The following GPR153 variants were observed in gnomAD, a reference collection of about 807,000 sequenced individuals.
The protein encoded by GPR153 is probable G protein-coupled receptor 153.
GPR153 carries 27 observed loss-of-function variants against 34.1 expected under a neutral mutation model. The ratio of observed to expected loss-of-function variants is 0.79; its 90% CI spans 0.58 to 1.09. The LOEUF (loss-of-function observed/expected upper bound fraction) is 1.09, where lower values mean the gene tolerates loss of function less well. GPR153 is among the 50% of genes least tolerant of loss of function. The pLI is 0.00. For missense variants in GPR153, 848 were observed against 860.2 expected (o/e 0.99, Z 0.18); for synonymous variants, 408 against 405.4 (o/e 1.01, Z -0.08).
chr1:6,249,584 G>A lies in GPR153; in HGVS notation c.1584C>T (p.Ala528=). 2.6e-6 allele frequency: 3 copies of A among 1,168,456 alleles called. No individual in the cohort carries two copies. The highest frequency in any genetic ancestry group is 7.0e-4 in the Middle Eastern group (2 of 2,874). 72.4% of individuals were successfully genotyped at this position (1,168,456 alleles called of 1,614,324 possible). A position where few individuals can be genotyped will look rare whatever the true frequency, so the allele number is the denominator to read the frequency against. ...CCTCTCCGGGATCTGCGCCGTCGGGGGCGGCGGGCGCAGCGGGGAAGGGCC... is the reference window on the plus strand; with the variant it reads ...CCTCTCCGGGATCTGCGCCGTCGGGAGCGGCGGGCGCAGCGGGGAAGGGCC... ...PPGPFPAAPA[A]PDGADPGEAP... is the part of the protein sequence containing the mutation. Residue 528 remains alanine (A), a synonymous_variant, in exon 6 of 6, where the codon GCC becomes GCT. Transcript: ENST00000377893. This position sits in a 1 kb window ranked among gnomAD's most constrained non-coding sequence, Gnocchi z 4.3.
In GPR153 at chr1:6,249,328, G is replaced by A. The variant is rs1236499409; in HGVS notation, c.*10C>T. The A allele has an allele frequency of 1.3e-5, 16 of 1,271,034 alleles. No homozygotes were observed. The highest frequency in any genetic ancestry group is 2.8e-5 in the South Asian group (1 of 35,490). 78.7% of individuals were successfully genotyped at this position (1,271,034 alleles called of 1,614,324 possible). A position where few individuals can be genotyped will look rare whatever the true frequency, so the allele number is the denominator to read the frequency against. Reference sequence around the variant, plus strand: ...GCCTGCCTGGCGTCCGTGGGGAGGCGCCGGCGGTCCTAGGACGCGGAGCCC... The same window carrying A: ...GCCTGCCTGGCGTCCGTGGGGAGGCACCGGCGGTCCTAGGACGCGGAGCCC... On this transcript the variant is annotated 3_prime_UTR_variant, in exon 6 of 6. Coordinates refer to ENST00000377893, the MANE Select transcript of GPR153 (RefSeq NM_207370.4). The surrounding 1 kb of genome is among the most constrained non-coding windows in gnomAD (Gnocchi z 4.3).
chr1:6,255,015 C>T lies in GPR153; in HGVS notation c.-109-1G>A, dbSNP rs1428929686. On this transcript the variant is annotated splice_acceptor_variant, in intron 1 of 5. Coordinates refer to ENST00000377893, the MANE Select transcript of GPR153 (RefSeq NM_207370.4). LOFTEE classifies it low-confidence loss of function (5UTR_SPLICE). ...CAAGGATGCTGGGGACCACGAGCAT[C>T]TGTGGGGGGGTGGCAGTGGGCACTC... The T allele has an allele frequency of 6.7e-6, 5 of 741,722 alleles. No individual in the cohort carries two copies. The highest frequency in any genetic ancestry group is 3.6e-5 in the African/African-American group (2 of 55,926). 45.9% of individuals were successfully genotyped at this position (741,722 alleles called of 1,614,324 possible).
chr1:6,260,684 TGCCAGCGC>T (rs1638656657), intron 1 of GPR153, 133 bp downstream of exon 1: 3 of 151,502 alleles, frequency 2.0e-5, no homozygotes, highest in African/African-American at 7.3e-5. Flanking sequence ...GTTGGGGGGG[TGCCAGCGC>T]TAAGCGCCGC....
intron 1 of GPR153, among the ~76,000 whole-genome samples, chr1:6,255,448 C>T (rs540402774): frequency 1.3e-4 from 20 of 151,694 alleles, no homozygotes; most frequent in African/African-American, 4.8e-4. Context: ...CTGCCCGCCT[C>T]GGCCTCCCAA....
At position 6,249,995 on chromosome 1, in the gene GPR153, G is replaced by A. The variant is rs1038100791; in HGVS notation, c.1173C>T (p.Pro391=). ...CATCGTCGTGGGAGAAGCGCCGCGT[G>A]GGCGGGACCTGTCAGGACGCGGCTG... ...EDKMQYLQVP[P]TRRFSHDDAD... The change falls in exon 6 of 6, where the codon CCC becomes CCT. Residue 391 remains proline (P), a synonymous_variant. Transcript: ENST00000377893. The surrounding 1 kb of genome is among the most constrained non-coding windows in gnomAD (Gnocchi z 4.3). The A allele has an allele frequency of 4.1e-5, 51 of 1,258,336 alleles. No homozygotes were observed. The African/African-American group carries it at 7.4e-4, about 18-fold the overall frequency. 77.9% of individuals were successfully genotyped at this position (1,258,336 alleles called of 1,614,324 possible).
rs550699493 is a variant in GPR153, at chr1:6,252,513, C to T, written c.787-983G>A. Among the ~76,000 whole-genome samples, 6 of 152,276 alleles carry T rather than the reference C, an allele frequency of 3.9e-5. No individual in the cohort carries two copies. The East Asian group carries it at 1.2e-3, about 29-fold the overall frequency. On this transcript the variant is annotated intron_variant, in intron 3 of 5. Coordinates refer to ENST00000377893, the MANE Select transcript of GPR153 (RefSeq NM_207370.4). ...ACAGGGACCGGGCTGCCAGCCCCCA[C>T]TGTACACATGAGGACCCTTAGCTGG...
Position 6,250,443 on chromosome 1 carries a change from C to A in GPR153, c.1161G>T (p.Leu387=). The A allele has an allele frequency of 6.3e-7, 1 of 1,594,818 alleles. No homozygotes were observed. The highest frequency in any genetic ancestry group is 1.7e-5 in the Admixed American group (1 of 57,522). The change falls in exon 5 of 6, where the codon CTG becomes CTT. Residue 387 remains leucine, a synonymous_variant. Coordinates refer to ENST00000377893, the MANE Select transcript of GPR153 (RefSeq NM_207370.4). The part of the protein sequence containing the change: ...RPLQEDKMQY[L]QVPPTRRFSH... ...TCTCCCCCAGCCCTGCGCTCACCTG[C>A]AGGTATTGCATCTTGTCCTCCTGCA...
rs1044021753 is a variant in GPR153, at chr1:6,249,544, T to C, written c.1624A>G (p.Ser542Gly). Residue 542 changes from serine to glycine, a missense_variant, in exon 6 of 6, where the codon AGC becomes GGC. Ser to Gly is a moderately conservative substitution (Grantham distance 56). Transcript: ENST00000377893. This position sits in a 1 kb window ranked among gnomAD's most constrained non-coding sequence, Gnocchi z 4.3. ...ADPGEAPTPPSSAQRSPGPRP... is the reference protein window; with the variant it reads ...ADPGEAPTPPGSAQRSPGPRP... ...GGCCCTGGGCTCCGCTGGGCGCTGCTTGGGGGCGTCGGGGCCTCTCCGGGA... is the reference window on the plus strand; with the variant it reads ...GGCCCTGGGCTCCGCTGGGCGCTGCCTGGGGGCGTCGGGGCCTCTCCGGGA... The C allele has an allele frequency of 1.0e-5, 12 of 1,197,792 alleles. No homozygotes were observed. The African/African-American group carries it at 1.3e-4, about 13-fold the overall frequency. The allele number at this position is 1,197,792 out of a possible 1,614,324, so 74.2% of individuals were successfully genotyped here. A position where few individuals can be genotyped will look rare whatever the true frequency, so the allele number is the denominator to read the frequency against.
At chr1:6,255,899 G>A (rs764168811) in intron 1 of GPR153, among the ~76,000 whole-genome samples, 79 of 151,992 alleles carry the variant, frequency 5.2e-4, no homozygotes, top group African/African-American at 1.8e-3. Flanking sequence ...TGATCCACCC[G>A]CCTCGGCCTC....
At chr1:6,256,386 T>TC (rs1383491262) in intron 1 of GPR153, among the ~76,000 whole-genome samples, 1 of 151,486 alleles carries the variant, frequency 6.6e-6, no homozygotes, top group Non-Finnish European at 1.5e-5. Context: ...TTTTTTTTTT[T>TC]TTTAGACAGA....
rs1376149012 is a variant in GPR153, at chr1:6,251,818, GAC to G, written c.787-290_787-289del. Among the ~76,000 whole-genome samples, 1 of 152,150 alleles carries G rather than the reference GAC, an allele frequency of 6.6e-6. No individual in the cohort carries two copies. On this transcript the variant is annotated intron_variant, in intron 3 of 5. Coordinates refer to ENST00000377893, the MANE Select transcript of GPR153 (RefSeq NM_207370.4). This position sits in a 1 kb window ranked among gnomAD's most constrained non-coding sequence, Gnocchi z 4.9. Reference sequence around the variant, plus strand: ...CCACCTCCTCCCCGCTTTGTTTTGAGACAGTCTCATTCTGTCACCCAGGCTGG... The same window carrying G: ...CCACCTCCTCCCCGCTTTGTTTTGAGAGTCTCATTCTGTCACCCAGGCTGG...
Position 6,249,835 on chromosome 1 carries a change from C to T in GPR153, c.1333G>A (p.Glu445Lys), listed in dbSNP as rs1441827997. The change falls in exon 6 of 6, where the codon GAG (glutamate) becomes AAG (lysine). Residue 445 changes from glutamate (E) to lysine (K), a missense_variant. Transcript: ENST00000377893. The surrounding 1 kb of genome is among the most constrained non-coding windows in gnomAD (Gnocchi z 4.3). ...CGCGCGCGGGACGGTGGTGCGTCCT[C>T]CGCGAAGGCCAGGAGGCTGGCGCGG... is the stretch of plus-strand genomic sequence containing the variant. ...RRRASLLAFA[E>K]DAPPSRARRR... 5 of 1,235,186 alleles carry T rather than the reference C, an allele frequency of 4.0e-6. No individual in the cohort carries two copies. In the South Asian group the frequency reaches 1.3e-4, roughly 33 times the overall value. 76.5% of individuals were successfully genotyped at this position (1,235,186 alleles called of 1,614,324 possible).
At position 6,249,415 on chromosome 1, in the gene GPR153, T is replaced by G. The variant is rs750558047; in HGVS notation, c.1753A>C (p.Ser585Arg). The change falls in exon 6 of 6, where the codon AGC becomes CGC. Residue 585 changes from serine to arginine, a missense_variant. Physicochemically the swap from Ser to Arg is moderately radical, Grantham distance 110. Coordinates refer to ENST00000377893, the MANE Select transcript of GPR153 (RefSeq NM_207370.4). The surrounding 1 kb of genome is among the most constrained non-coding windows in gnomAD (Gnocchi z 4.3). Reference sequence around the variant, plus strand: ...TCGGAGGGGGAACTCAGGAAGCTGCTGGTGCTGCCGCCGCCGCCCGCCGCG... The same window carrying G: ...TCGGAGGGGGAACTCAGGAAGCTGCGGGTGCTGCCGCCGCCGCCCGCCGCG... ...LRAAGGGGST[S>R]SFLSSPSESS... 1.5e-6 allele frequency: 2 copies of G among 1,372,044 alleles called. No homozygotes were observed. The highest frequency in any genetic ancestry group is 3.0e-5 in the African/African-American group (2 of 65,592). The allele number at this position is 1,372,044 out of a possible 1,614,324, so 85.0% of individuals were successfully genotyped here.
At chr1:6,255,154 C>T (rs114468399) in intron 1 of GPR153, 140 bp from the exon 2 acceptor site, 4 of 408,748 alleles carry the variant, frequency 9.8e-6, no homozygotes, top group East Asian at 3.7e-5. Flanking sequence ...TTAATTAAAA[C>T]GTGTTGAGAT....
chr1:6,255,642 GTTTTTTTTTTTTTT>G (rs59403526), intron 1 of GPR153, among the ~76,000 whole-genome samples: 4 of 38,840 alleles, frequency 1.0e-4, no homozygotes, highest in South Asian at 2.3e-3. Context: ...GCCTGGCTAC[GTTTTTTTTTTTTTT>G]TTTTTTTTTT....
Position 6,251,078 on chromosome 1 carries a change from A to G in GPR153, c.979+260T>C, listed in dbSNP as rs1185141792. ...GAGCTCCGCTGGAGCACTTGCAGAC[A>G]TGTCTACCCTGCTCTCTGTTAACCA... On this transcript the variant is annotated intron_variant, in intron 4 of 5. Transcript: ENST00000377893. The surrounding 1 kb of genome is among the most constrained non-coding windows in gnomAD (Gnocchi z 4.9). Among the ~76,000 whole-genome samples the G allele has an allele frequency of 1.3e-5, 2 of 152,136 alleles. No individual in the cohort carries two copies. The highest frequency in any genetic ancestry group is 2.9e-5 in the Non-Finnish European group (2 of 68,014).
At chr1:6,259,563 C>T (rs566282845) in intron 1 of GPR153, among the ~76,000 whole-genome samples, 119 of 151,558 alleles carry the variant, frequency 7.9e-4, no homozygotes, top group African/African-American at 2.6e-3. Context: ...GCAGGTCTCA[C>T]CGTCCCCACA....
In GPR153 at chr1:6,255,642, GTTTTTTTTTTT is replaced by G. The variant is rs59403526; in HGVS notation, c.-109-639_-109-629del. Among the ~76,000 whole-genome samples, 3 of 38,840 alleles carry G rather than the reference GTTTTTTTTTTT, an allele frequency of 7.7e-5. 1 individual carries two copies. The highest frequency in any genetic ancestry group is 0.062 in the Middle Eastern group (2 of 32). The allele number at this position is 38,840 out of a possible 152,430, so 25.5% of individuals were successfully genotyped here. A position where few individuals can be genotyped will look rare whatever the true frequency, so the allele number is the denominator to read the frequency against. ...GGCCTGCACCACTATGCCTGGCTAC[GTTTTTTTTTTT>G]TTTTTTTTTTTTTTTTTGAGATAGA... On this transcript the variant is annotated intron_variant, in intron 1 of 5. Coordinates refer to ENST00000377893, the MANE Select transcript of GPR153 (RefSeq NM_207370.4).
chr1:6,250,172 T>C (rs909232799), intron 5 of GPR153, 169 bp from the exon 6 acceptor site: 14 of 985,278 alleles, frequency 1.4e-5, no homozygotes, highest in Non-Finnish European at 1.7e-5. Context: ...GCCGCAGGGC[T>C]GTGTCAGACA....
Sources: allele counts gnomAD v4.1 joint callset (sites outside exome capture counted in the v4.1 genomes callset), GRCh38; gene constraint gnomAD v4.1.1; non-coding constraint Gnocchi (gnomAD v3.1); transcripts MANE v1.5; gene names NCBI Gene and HGNC (gene_info 2026-07-23, HGNC 2026-07-21).